DENND5B: variants seen among roughly 807,000 people sequenced by gnomAD.
DENND5B encodes the protein DENN domain-containing protein 5B.
A neutral mutation model predicts 140.6 loss-of-function variants in DENND5B; 34 were observed. The ratio of observed to expected loss-of-function variants is 0.24; its 90% confidence interval spans 0.18 to 0.32. DENND5B has a LOEUF of 0.32. Among genes scored for constraint, DENND5B ranks in the 10% least tolerant of loss-of-function variants. The probability of loss-of-function intolerance (pLI) is 1.00; values close to 1 mark genes in which losing one functional copy is unlikely to be tolerated. For missense variants in DENND5B, 1,142 were observed against 1,560.2 expected, an observed-to-expected ratio of 0.73 and a Z score of 4.52; for synonymous variants, 551 against 562.1, an observed-to-expected ratio of 0.98 and a Z score of 0.28.
intron 3 of DENND5B, chr12:31,464,973 A>T (rs1230110418): frequency 6.7e-6 from 1 of 148,818 alleles, no homozygotes; most frequent in African/African-American, 2.5e-5. Flanking sequence ...CATCTAAGGC[A>T]TGTAAAATGA....
intron 1 of DENND5B, among the ~76,000 whole-genome samples, chr12:31,585,828 G>A (rs1426001802): frequency 6.6e-6 from 1 of 152,156 alleles, no homozygotes; most frequent in Non-Finnish European, 1.5e-5. Flanking sequence ...AGACACTAAG[G>A]AAAAGATCTA....
chr12:31,400,723 CT>C (rs1941743529), intron 15 of DENND5B, among the ~76,000 whole-genome samples: 1 of 151,928 alleles, frequency 6.6e-6, no homozygotes, highest in Non-Finnish European at 1.5e-5. Context: ...TCCAATTATA[CT>C]TTTAGTTATT....
intron 11 of DENND5B, among the ~76,000 whole-genome samples, chr12:31,421,424 G>A (rs1440596487): frequency 6.6e-6 from 1 of 151,634 alleles, no homozygotes; most frequent in Non-Finnish European, 1.5e-5. Flanking sequence ...CTTAATAATT[G>A]GCAAAAAAAG....
intron 1 of DENND5B, among the ~76,000 whole-genome samples, chr12:31,512,702 G>A (rs1268057759): frequency 6.6e-6 from 1 of 151,892 alleles, no homozygotes; most frequent in Non-Finnish European, 1.5e-5. Context: ...AGATTTCATG[G>A]TTATCTTCTT....
chr12:31,587,613 T>C (rs552767117), intron 1 of DENND5B, among the ~76,000 whole-genome samples: 1 of 128,578 alleles, frequency 7.8e-6, no homozygotes, highest in Admixed American at 1.0e-4. Flanking sequence ...AGTGGCACGA[T>C]CTCAGCTCAC....
intron 5 of DENND5B, among the ~76,000 whole-genome samples, chr12:31,449,682 G>T (rs1329471865): frequency 6.6e-6 from 1 of 150,386 alleles, no homozygotes; most frequent in Non-Finnish European, 1.5e-5. Flanking sequence ...CTTGATTTAG[G>T]TAAGAATTTG....
intron 1 of DENND5B, among the ~76,000 whole-genome samples, chr12:31,577,409 T>G (rs1297888707): frequency 1.3e-5 from 2 of 152,126 alleles, no homozygotes; most frequent in East Asian, 3.8e-4. Flanking sequence ...TAAAAATATT[T>G]AAACTTAAAA....
intron 14 of DENND5B, among the ~76,000 whole-genome samples, chr12:31,407,804 C>A (rs1361907813): frequency 6.6e-6 from 1 of 152,118 alleles, no homozygotes; most frequent in Non-Finnish European, 1.5e-5. Context: ...CTGCCCACTG[C>A]CTACTTTGAG....
chr12:31,540,745 A>G (rs1376067050), intron 1 of DENND5B, among the ~76,000 whole-genome samples: 3 of 151,752 alleles, frequency 2.0e-5, no homozygotes, highest in African/African-American at 7.3e-5. Context: ...CAGAATAGCC[A>G]AAGCTATCCT....
chr12:31,570,081 G>A (rs923068464), intron 1 of DENND5B, among the ~76,000 whole-genome samples: 7 of 150,960 alleles, frequency 4.6e-5, no homozygotes, highest in African/African-American at 9.7e-5. Context: ...TGTAATCCCA[G>A]CTACTCAGGA....
chr12:31,388,133 C>CT (rs35172373), intron 20 of DENND5B, among the ~76,000 whole-genome samples: 136,950 of 147,846 alleles, frequency 0.93, 63,830 homozygotes, highest in East Asian at 0.99. Context: ...TTTTCTATGT[C>CT]TTTTTTTTTA....
At chr12:31,544,089 G>A (rs1948773784) in intron 1 of DENND5B, among the ~76,000 whole-genome samples, 1 of 152,126 alleles carries the variant, frequency 6.6e-6, no homozygotes, top group Non-Finnish European at 1.5e-5. Context: ...GCTTGAACCT[G>A]AGAGGCAGAA....
intron 1 of DENND5B, among the ~76,000 whole-genome samples, chr12:31,497,780 AGGGTGGAG>A (rs2138771781): frequency 2.2e-5 from 1 of 45,882 alleles, no homozygotes; most frequent in Admixed American, 2.7e-4. Flanking sequence ...CGGCATGGGG[AGGGTGGAG>A]GGGGAGGGGC....
intron 8 of DENND5B, chr12:31,432,088 A>T (rs561214463): frequency 6.2e-5 from 61 of 985,144 alleles, no homozygotes; most frequent in Admixed American, 6.2e-5. Context: ...GTGCAGGAGG[A>T]GGTGGACCCT....
At chr12:31,538,653 T>C (rs370081984) in intron 1 of DENND5B, among the ~76,000 whole-genome samples, 2 of 152,040 alleles carry the variant, frequency 1.3e-5, no homozygotes, top group South Asian at 4.1e-4. Flanking sequence ...GATCACTTGA[T>C]GTCAGGAGTT....
At chr12:31,549,599 G>A (rs1181602354) in intron 1 of DENND5B, among the ~76,000 whole-genome samples, 1 of 151,752 alleles carries the variant, frequency 6.6e-6, no homozygotes, top group African/African-American at 2.4e-5. Flanking sequence ...TTGTTACACA[G>A]GTAAATGTGT....
chr12:31,388,891 ACTTC>A (rs1199656792), intron 20 of DENND5B, among the ~76,000 whole-genome samples: 1 of 152,200 alleles, frequency 6.6e-6, no homozygotes, highest in Non-Finnish European at 1.5e-5. Context: ...TTATCTAACA[ACTTC>A]CTTATTACCT....
Position 31,479,954 on chromosome 12 carries a change from T to C in DENND5B, c.539A>G (p.Asp180Gly). The change falls in exon 3 of 21, where the codon GAT becomes GGT. Residue 180 changes from aspartate (D) to glycine (G), a missense_variant. Physicochemically the swap from Asp to Gly is moderately conservative, Grantham distance 94. Coordinates refer to ENST00000389082, the MANE Select transcript of DENND5B (RefSeq NM_144973.4). ...LLKLQRYNSY[D>G]ISRDTLYVSK... ...AACATACAGGGTGTCTCTGCTAATA[T>C]CATAGGAGTTGTATCGCTGGAGTTT... 6.2e-7 allele frequency: 1 copy of C among 1,614,046 alleles called. No homozygotes were observed. The highest frequency in any genetic ancestry group is 8.5e-7 in the Non-Finnish European group (1 of 1,179,886).
At chr12:31,590,468 T>TG in intron 1 of DENND5B, 1 of 394,208 alleles carries the variant, frequency 2.5e-6, no homozygotes, top group Non-Finnish European at 4.3e-6. Flanking sequence ...CCCGCGCCTG[T>TG]TATTAATAAC....
Sources: gnomAD v4.1 joint callset for allele counts (sites outside exome capture counted in the v4.1 genomes callset) on GRCh38, gnomAD v4.1.1 for gene constraint, MANE v1.5 for transcripts, NCBI Gene and HGNC (gene_info 2026-07-23, HGNC 2026-07-21) for gene names.